FSHR: variants seen among roughly 807,000 people sequenced by gnomAD.
The protein encoded by FSHR is follicle-stimulating hormone receptor.
Under a neutral mutation model 52.1 loss-of-function variants are expected in FSHR, and 46 were observed. The observed-to-expected ratio is 0.88, with a 90% CI of 0.70 to 1.13. FSHR has a LOEUF of 1.13. Among genes scored for constraint, FSHR ranks in the 50% most tolerant of loss-of-function variants. The pLI, the probability that FSHR is intolerant of heterozygous loss-of-function variation, is 0.00. For missense variants in FSHR, 964 were observed against 834.6 expected (o/e 1.16, Z -1.91); for synonymous variants, 399 against 309.6 (o/e 1.29, Z -3.03).
chr2:49,104,995 C>T (rs533574740), intron 1 of FSHR, among the ~76,000 whole-genome samples: 2 of 152,130 alleles, frequency 1.3e-5, no homozygotes, highest in African/African-American at 2.4e-5. Flanking sequence ...ATCCAGGCAA[C>T]GAAAATAACT....
At chr2:48,999,280 C>A (rs992558422) in intron 4 of FSHR, among the ~76,000 whole-genome samples, 6 of 62,474 alleles carry the variant, frequency 9.6e-5, no homozygotes, top group African/African-American at 3.0e-4. Context: ...TCTCCACTAC[C>A]TTGGAGACAG....
At chr2:48,982,093 TA>T (rs1410365390) in intron 8 of FSHR, among the ~76,000 whole-genome samples, 3 of 152,298 alleles carry the variant, frequency 2.0e-5, no homozygotes, top group Non-Finnish European at 2.9e-5. Flanking sequence ...AACACATTTT[TA>T]AAAAGCCTTT....
At chr2:48,997,448 C>T in intron 4 of FSHR, 1 of 924,926 alleles carries the variant, frequency 1.1e-6, no homozygotes, top group African/African-American at 1.8e-5. Context: ...TCGGACCTAG[C>T]ATCCTAGATT....
chr2:49,052,376 T>A (rs1476860235), intron 2 of FSHR, among the ~76,000 whole-genome samples: 1 of 152,200 alleles, frequency 6.6e-6, no homozygotes, highest in African/African-American at 2.4e-5. Context: ...TACATACTCA[T>A]GAATGTTCTT....
chr2:49,124,830 C>G (rs1233482401), intron 1 of FSHR, among the ~76,000 whole-genome samples: 6 of 152,230 alleles, frequency 3.9e-5, no homozygotes, highest in African/African-American at 1.4e-4. Context: ...CAGATCACAT[C>G]CTTTCAATTG....
intron 6 of FSHR, among the ~76,000 whole-genome samples, chr2:48,984,320 T>C (rs1675390891): frequency 1.3e-5 from 2 of 152,142 alleles, no homozygotes; most frequent in African/African-American, 4.8e-5. Flanking sequence ...CCCAATGCCA[T>C]TTGAGAAAGC....
At chr2:49,084,607 TAAAG>T (rs1346983639) in intron 1 of FSHR, among the ~76,000 whole-genome samples, 1 of 151,096 alleles carries the variant, frequency 6.6e-6, no homozygotes, top group African/African-American at 2.4e-5. Flanking sequence ...GCAAGACTAA[TAAAG>T]AAAAAAAGAG....
chr2:49,143,511 T>A (rs539678693), intron 1 of FSHR, among the ~76,000 whole-genome samples: 7 of 152,048 alleles, frequency 4.6e-5, no homozygotes, highest in Admixed American at 6.6e-5. Flanking sequence ...CAGAGCCAGA[T>A]TGAGTGGGTG....
At chr2:49,020,507 ATT>A (rs3082696) in intron 2 of FSHR, among the ~76,000 whole-genome samples, 44,642 of 146,920 alleles carry the variant, frequency 0.3, 7,328 homozygotes, top group Non-Finnish European at 0.4. Flanking sequence ...GTCAGTAAAC[ATT>A]TTTTTTTTTT....
chr2:49,085,654 C>T (rs58146393), intron 1 of FSHR, among the ~76,000 whole-genome samples: 7,793 of 152,164 alleles, frequency 0.051, 443 homozygotes, highest in East Asian at 0.22. Context: ...GCTATAAAGA[C>T]ACATGCACAC....
chr2:49,110,275 C>G (rs534797155), intron 1 of FSHR, among the ~76,000 whole-genome samples: 218 of 152,206 alleles, frequency 1.4e-3, no homozygotes, highest in Non-Finnish European at 2.4e-3. Context: ...TTTATAAGTA[C>G]AAAAACTGAG....
intron 1 of FSHR, among the ~76,000 whole-genome samples, chr2:49,079,896 C>G (rs2349709): frequency 0.18 from 27,042 of 151,828 alleles, 2,848 homozygotes; most frequent in East Asian, 0.29. Flanking sequence ...TTCTGTAAAA[C>G]AAAGATACAT....
At chr2:49,109,170 A>G (rs573097355) in intron 1 of FSHR, among the ~76,000 whole-genome samples, 7 of 152,154 alleles carry the variant, frequency 4.6e-5, no homozygotes, top group Non-Finnish European at 8.8e-5. Flanking sequence ...GAAATTCCCT[A>G]TCCAGAAAGA....
chr2:49,074,678 TC>T (rs1669880877), intron 1 of FSHR, among the ~76,000 whole-genome samples: 1 of 152,044 alleles, frequency 6.6e-6, no homozygotes, highest in Non-Finnish European at 1.5e-5. Context: ...TTAGAATTTA[TC>T]CCAAAGGAAA....
At chr2:49,107,926 A>G in intron 1 of FSHR, among the ~76,000 whole-genome samples, 1 of 152,148 alleles carries the variant, frequency 6.6e-6, no homozygotes, top group Non-Finnish European at 1.5e-5. Flanking sequence ...CCTTACCTGG[A>G]CACATCAATA....
chr2:48,978,033 A>C (rs909714801), intron 8 of FSHR, among the ~76,000 whole-genome samples: 3 of 152,238 alleles, frequency 2.0e-5, no homozygotes, highest in Admixed American at 6.5e-5. Flanking sequence ...TGAAAAGACC[A>C]GTGGATACCC....
chr2:49,112,807 G>T (rs915883809), intron 1 of FSHR, among the ~76,000 whole-genome samples: 8 of 152,174 alleles, frequency 5.3e-5, no homozygotes, highest in Admixed American at 2.0e-4. Context: ...AAGTTTTTAA[G>T]TTGCACCAAG....
intron 2 of FSHR, among the ~76,000 whole-genome samples, chr2:49,033,647 C>T (rs531598916): frequency 3.9e-5 from 6 of 152,124 alleles, no homozygotes; most frequent in Admixed American, 6.5e-5. Context: ...GGAAGCATGG[C>T]GAGCCTTTCA....
chr2:49,053,571 C>G (rs1339733213), intron 2 of FSHR, among the ~76,000 whole-genome samples: 1 of 152,074 alleles, frequency 6.6e-6, no homozygotes, highest in Non-Finnish European at 1.5e-5. Flanking sequence ...TTTTTCCCCC[C>G]ACAAAGTCTC....
Sources: gnomAD v4.1 joint callset for allele counts (sites outside exome capture counted in the v4.1 genomes callset) on GRCh38, gnomAD v4.1.1 for gene constraint, MANE v1.5 for transcripts, NCBI Gene and HGNC (gene_info 2026-07-23, HGNC 2026-07-21) for gene names.